Variants in SPSB1 observed in about 807,000 individuals in gnomAD.
The protein encoded by SPSB1 is SPRY domain-containing SOCS box protein 1.
Under a neutral mutation model 21.2 loss-of-function variants are expected in SPSB1, and 8 were observed. The observed-to-expected ratio is 0.38, with a 90% CI of 0.22 to 0.68. The LOEUF is 0.68. SPSB1 is among the 30% of genes least tolerant of loss of function. The pLI is 0.53. For synonymous variants in SPSB1, 169 were observed against 161.7 expected, an observed-to-expected ratio of 1.05 and a Z score of -0.34; for missense variants, 242 against 377.8, an observed-to-expected ratio of 0.64 and a Z score of 2.98.
chr1:9,330,464 T>C (rs1237579212), intron 1 of SPSB1, among the ~76,000 whole-genome samples: 1 of 104,646 alleles, frequency 9.6e-6, no homozygotes, highest in Non-Finnish European at 2.0e-5. Flanking sequence ...AAATTCTGTC[T>C]CAAAATAATA....
chr1:9,315,174 G>A (rs879147438), intron 1 of SPSB1, among the ~76,000 whole-genome samples: 4 of 152,276 alleles, frequency 2.6e-5, no homozygotes, highest in East Asian at 1.9e-4. Context: ...TGCACCTGCC[G>A]GCACCCAGCC....
At chr1:9,304,421 G>A (rs1266907914) in intron 1 of SPSB1, among the ~76,000 whole-genome samples, 3 of 152,144 alleles carry the variant, frequency 2.0e-5, no homozygotes, top group African/African-American at 7.2e-5. Context: ...TATGGGTTTT[G>A]CATCTCTGGA....
chr1:9,313,118 C>T (rs1436634443), intron 1 of SPSB1, among the ~76,000 whole-genome samples: 7 of 152,196 alleles, frequency 4.6e-5, no homozygotes, highest in Non-Finnish European at 7.3e-5. Flanking sequence ...AAGTCAAGTC[C>T]GGGCGCGGTG....
chr1:9,347,064 T>C (rs1037564330), intron 1 of SPSB1, among the ~76,000 whole-genome samples: 2 of 152,196 alleles, frequency 1.3e-5, no homozygotes, highest in East Asian at 1.9e-4. Context: ...ACACCTGTTA[T>C]CCGAGCACTT....
rs1483666756 is a variant in SPSB1, at chr1:9,293,936, G to C, written c.-150+865G>C. On this transcript the variant is annotated intron_variant, in intron 1 of 2. Coordinates refer to ENST00000328089, the MANE Select transcript of SPSB1 (RefSeq NM_025106.4). The surrounding 1 kb of genome is among the most constrained non-coding windows in gnomAD (Gnocchi z 5.1). ...TGTGTTCATGTGGGTGTGTGTGTGA[G>C]TGTGTCTCTAAGTGCATCTGTGTAT... Among the ~76,000 whole-genome samples, 5 of 151,818 alleles carry C rather than the reference G, an allele frequency of 3.3e-5. No individual in the cohort carries two copies. The highest frequency in any genetic ancestry group is 7.4e-5 in the Non-Finnish European group (5 of 67,932).
chr1:9,364,197 C>T (rs531128321), intron 2 of SPSB1, among the ~76,000 whole-genome samples: 41 of 152,312 alleles, frequency 2.7e-4, no homozygotes, highest in East Asian at 1.2e-3. Flanking sequence ...CACATTCTCC[C>T]GGGAGGGAGC....
chr1:9,320,847 G>A (rs1310369430), intron 1 of SPSB1, among the ~76,000 whole-genome samples: 1 of 151,994 alleles, frequency 6.6e-6, no homozygotes, highest in African/African-American at 2.4e-5. Context: ...AACGTCCTGC[G>A]CCGGGTTTAG....
At position 9,294,216 on chromosome 1, in the gene SPSB1, G is replaced by T. The variant is rs1324794930; in HGVS notation, c.-150+1145G>T. 2.0e-5 allele frequency among the ~76,000 whole-genome samples: 3 copies of T among 151,950 alleles called. No individual in the cohort carries two copies. The East Asian group carries it at 5.8e-4, about 29-fold the overall frequency. On this transcript the variant is annotated intron_variant, in intron 1 of 2. Transcript: ENST00000328089. ...TGTCTCTGTGTCTTTGTGTCTGTGTGTGTCTTTGCGTGTGTGTGTCTTTGT... is the reference window on the plus strand; with the variant it reads ...TGTCTCTGTGTCTTTGTGTCTGTGTTTGTCTTTGCGTGTGTGTGTCTTTGT...
At position 9,293,717 on chromosome 1, in the gene SPSB1, C is replaced by T. The variant is rs1639160019; in HGVS notation, c.-150+646C>T. Among the ~76,000 whole-genome samples, 1 of 152,116 alleles carries T rather than the reference C, an allele frequency of 6.6e-6. No individual in the cohort carries two copies. The highest frequency in any genetic ancestry group is 2.4e-5 in the African/African-American group (1 of 41,410). ...CAGAAAAACAAGGGCGGCCTGGGCCCGCGGGAGGAACCGCGGATGGGTCAC... is the reference window on the plus strand; with the variant it reads ...CAGAAAAACAAGGGCGGCCTGGGCCTGCGGGAGGAACCGCGGATGGGTCAC... On this transcript the variant is annotated intron_variant, in intron 1 of 2. Transcript: ENST00000328089. This position sits in a 1 kb window ranked among gnomAD's most constrained non-coding sequence, Gnocchi z 5.1.
In SPSB1 at chr1:9,317,778, T is replaced by C. The variant is rs1227226675; in HGVS notation, c.-150+24707T>C. On this transcript the variant is annotated intron_variant, in intron 1 of 2. Transcript: ENST00000328089. The surrounding 1 kb of genome is among the most constrained non-coding windows in gnomAD (Gnocchi z 4.3). ...GATTACAGGCGTGAGTCACCGTGCCTGGCCAGAAAAGACAGTTTCAGAGCC... is the reference window on the plus strand; with the variant it reads ...GATTACAGGCGTGAGTCACCGTGCCCGGCCAGAAAAGACAGTTTCAGAGCC... Among the ~76,000 whole-genome samples the C allele has an allele frequency of 6.6e-6, 1 of 151,854 alleles. No homozygotes were observed. Among genetic ancestry groups the C allele is most frequent in the Non-Finnish European group, 1.5e-5 (1 of 68,008 alleles).
intron 1 of SPSB1, among the ~76,000 whole-genome samples, chr1:9,298,531 A>G (rs988638003): frequency 1.3e-5 from 2 of 152,238 alleles, no homozygotes; most frequent in African/African-American, 4.8e-5. Flanking sequence ...AGTTTATGCT[A>G]TTAATTTTTC....
intron 1 of SPSB1, among the ~76,000 whole-genome samples, chr1:9,318,960 C>T (rs1226571323): frequency 7.1e-6 from 1 of 140,070 alleles, no homozygotes; most frequent in African/African-American, 2.7e-5. Flanking sequence ...GAGGCTGAGG[C>T]GGGCACATCA....
In SPSB1 at chr1:9,324,893, A is replaced by C. The variant is rs1469629632; in HGVS notation, c.-149-30850A>C. ...GGTCTTGTCGGATCCAGACCAGACA[A>C]ATGCTTTCTTGGAAAAGCGAGTGGG... On this transcript the variant is annotated intron_variant, in intron 1 of 2. Transcript: ENST00000328089. The surrounding 1 kb of genome is among the most constrained non-coding windows in gnomAD (Gnocchi z 4.3). 2.6e-5 allele frequency among the ~76,000 whole-genome samples: 4 copies of C among 152,170 alleles called. No homozygotes were observed. The highest frequency in any genetic ancestry group is 9.7e-5 in the African/African-American group (4 of 41,444).
chr1:9,315,125 G>A (rs1569582756), intron 1 of SPSB1, among the ~76,000 whole-genome samples: 2 of 152,226 alleles, frequency 1.3e-5, no homozygotes, highest in African/African-American at 2.4e-5. Context: ...GAGGTGAGGA[G>A]GGCAAGGCTG....
intron 1 of SPSB1, among the ~76,000 whole-genome samples, chr1:9,342,881 C>T (rs886817092): frequency 2.6e-5 from 4 of 152,260 alleles, no homozygotes; most frequent in African/African-American, 9.6e-5. Context: ...TCACTCCCCA[C>T]ATCTGAGCAT....
Position 9,346,782 on chromosome 1 carries a change from T to C in SPSB1, c.-149-8961T>C, listed in dbSNP as rs1557461520. Among the ~76,000 whole-genome samples, 1 of 152,224 alleles carries C rather than the reference T, an allele frequency of 6.6e-6. No homozygotes were observed. Among genetic ancestry groups the C allele is most frequent in the Non-Finnish European group, 1.5e-5 (1 of 68,034 alleles). ...TCTGATGGGGCCACCTCACCTGGCC[T>C]TTGCCACATGCAGAGCTGCTGTGCA... On this transcript the variant is annotated intron_variant, in intron 1 of 2. Coordinates refer to ENST00000328089, the MANE Select transcript of SPSB1 (RefSeq NM_025106.4). The surrounding 1 kb of genome is among the most constrained non-coding windows in gnomAD (Gnocchi z 4.4).
At chr1:9,336,534 T>A (rs1640006406) in intron 1 of SPSB1, among the ~76,000 whole-genome samples, 1 of 152,196 alleles carries the variant, frequency 6.6e-6, no homozygotes, top group Admixed American at 6.5e-5. Flanking sequence ...CTCCTCCTCC[T>A]GGTTCTTTAC....
At chr1:9,301,847 G>T (rs926000439) in intron 1 of SPSB1, among the ~76,000 whole-genome samples, 2 of 152,208 alleles carry the variant, frequency 1.3e-5, no homozygotes, top group Non-Finnish European at 2.9e-5. Flanking sequence ...CACTGCACCT[G>T]GTGGAAGGCA....
At chr1:9,314,211 C>T (rs908571310) in intron 1 of SPSB1, among the ~76,000 whole-genome samples, 7 of 151,440 alleles carry the variant, frequency 4.6e-5, no homozygotes, top group East Asian at 3.9e-4. Flanking sequence ...AAACAGTGAA[C>T]GGGACAGCTG....
Sources: gnomAD v4.1 joint callset for allele counts (sites outside exome capture counted in the v4.1 genomes callset) on GRCh38, gnomAD v4.1.1 for gene constraint, Gnocchi (gnomAD v3.1) non-coding constraint, MANE v1.5 for transcripts, NCBI Gene and HGNC (gene_info 2026-07-23, HGNC 2026-07-21) for gene names.